SGIP1: variants seen among roughly 807,000 people sequenced by gnomAD.
The protein encoded by SGIP1 is SH3-containing GRB2-like protein 3-interacting protein 1.
Under a neutral mutation model 107.5 loss-of-function variants are expected in SGIP1, and 38 were observed. That is an observed-to-expected ratio of 0.35 (90% CI 0.27 to 0.46). SGIP1 has a LOEUF of 0.46. SGIP1 is among the 20% of genes least tolerant of loss of function. SGIP1 has a pLI of 1.00. For synonymous variants in SGIP1, 365 were observed against 366.1 expected (o/e 1.00, Z 0.03); for missense variants, 929 against 1,019.5 (o/e 0.91, Z 1.21).
At chr1:66,599,850 C>T (rs2065423901) in intron 1 of SGIP1, among the ~76,000 whole-genome samples, 1 of 152,164 alleles carries the variant, frequency 6.6e-6, no homozygotes, top group South Asian at 2.1e-4. Context: ...TCCTGCATTT[C>T]AGGGAATTGG....
At chr1:66,620,501 G>C (rs932427787) in intron 1 of SGIP1, among the ~76,000 whole-genome samples, 5 of 152,116 alleles carry the variant, frequency 3.3e-5, no homozygotes, top group Admixed American at 6.5e-5. Flanking sequence ...GAAGGTGAAG[G>C]GGAAGCAAGG....
At chr1:66,560,671 T>C (rs2058802099) in intron 1 of SGIP1, among the ~76,000 whole-genome samples, 1 of 152,090 alleles carries the variant, frequency 6.6e-6, no homozygotes, top group African/African-American at 2.4e-5. Flanking sequence ...TGTAACTTTT[T>C]CCTCATTTAC....
intron 20 of SGIP1, among the ~76,000 whole-genome samples, chr1:66,729,835 T>C (rs2093926567): frequency 6.6e-6 from 1 of 152,222 alleles, no homozygotes; most frequent in South Asian, 2.1e-4. Flanking sequence ...AGAGTCTTGC[T>C]CTGTTGCCTA....
chr1:66,536,102 A>C (rs1340234606), intron 1 of SGIP1, among the ~76,000 whole-genome samples: 1 of 152,252 alleles, frequency 6.6e-6, no homozygotes. Flanking sequence ...ATGTCAGTTC[A>C]AAGCTCTGTG....
At chr1:66,596,844 G>T (rs965647114) in intron 1 of SGIP1, among the ~76,000 whole-genome samples, 3 of 152,082 alleles carry the variant, frequency 2.0e-5, no homozygotes, top group Admixed American at 1.3e-4. Flanking sequence ...AGCATTTCAA[G>T]AATTGCAATT....
Position 66,671,929 on chromosome 1 carries a change from T to G in SGIP1, c.509-15T>G. 6.2e-7 allele frequency: 1 copy of G among 1,613,822 alleles called. No individual in the cohort carries two copies. Among genetic ancestry groups the G allele is most frequent in the Admixed American group, 1.7e-5 (1 of 59,998 alleles). On this transcript the variant is annotated splice_polypyrimidine_tract_variant and intron_variant, in intron 10 of 24. Coordinates refer to ENST00000371037, the MANE Select transcript of SGIP1 (RefSeq NM_032291.4). ...TAAAAATTTGTCTAAAAAGTTCCTT[T>G]GTCCTGTGCATCAGGTGAAGAAGTG...
intron 18 of SGIP1, among the ~76,000 whole-genome samples, chr1:66,698,911 AAAAC>A (rs888625687): frequency 7.9e-5 from 12 of 151,208 alleles, no homozygotes; most frequent in Non-Finnish European, 5.9e-5. Context: ...GTGGTGGTGA[AAAAC>A]AAACAAACAA....
At position 66,682,008 on chromosome 1, in the gene SGIP1, A is replaced by G. The variant is rs17129329; in HGVS notation, c.954A>G (p.Thr318=). 29,273 of 1,614,082 alleles carry G rather than the reference A, an allele frequency of 0.018. 1,496 individuals are homozygous for G. The highest frequency in any genetic ancestry group is 0.17 in the African/African-American group (12,936 of 74,988). The change falls in exon 15 of 25, where the codon ACA becomes ACG. Residue 318 remains threonine (T), a synonymous_variant. Transcript: ENST00000371037. The part of the protein sequence containing the change: ...AEEKWVHFSD[T]SPEHVTPELT... Reference sequence around the variant, plus strand: ...AAAAGTGGGTCCATTTTTCTGATACATCCCCGGAACATGTTACTCCGGAGT... The same window carrying G: ...AAAAGTGGGTCCATTTTTCTGATACGTCCCCGGAACATGTTACTCCGGAGT...
chr1:66,680,493 T>G (rs1447238467), intron 14 of SGIP1, among the ~76,000 whole-genome samples: 1 of 152,238 alleles, frequency 6.6e-6, no homozygotes, highest in Non-Finnish European at 1.5e-5. Context: ...CTTTGCTATT[T>G]ATGCAGCCTG....
At position 66,748,621 on chromosome 1, in the gene SGIP1, C is replaced by T. The variant is rs915972481; in HGVS notation, c.*5526C>T. On this transcript the variant is annotated 3_prime_UTR_variant, in exon 25 of 25. Coordinates refer to ENST00000371037, the MANE Select transcript of SGIP1 (RefSeq NM_032291.4). ...GCCTCCTTCTATCCCTAGAGTAATA[C>T]CTTGCCTACCTTAAATACATCTTTA... Among the ~76,000 whole-genome samples, 1 of 151,924 alleles carries T rather than the reference C, an allele frequency of 6.6e-6. No individual in the cohort carries two copies. Among genetic ancestry groups the T allele is most frequent in the Non-Finnish European group, 1.5e-5 (1 of 67,840 alleles).
chr1:66,673,384 A>G lies in SGIP1; in HGVS notation c.646+18A>G, dbSNP rs765797418. 3.2e-6 allele frequency: 5 copies of G among 1,573,312 alleles called. No homozygotes were observed. The African/African-American group carries it at 4.1e-5, about 13-fold the overall frequency. ...GACAGAAGGTAGGAAAAGAAACTCC[A>G]TATATTATAGATTTGTTTTTTCTTT... On this transcript the variant is annotated intron_variant, in intron 12 of 24. Coordinates refer to ENST00000371037, the MANE Select transcript of SGIP1 (RefSeq NM_032291.4).
At chr1:66,713,898 C>T (rs768804478) in intron 18 of SGIP1, among the ~76,000 whole-genome samples, 1 of 152,000 alleles carries the variant, frequency 6.6e-6, no homozygotes, top group Non-Finnish European at 1.5e-5. Context: ...GGCACACATG[C>T]GCAGATTATA....
intron 3 of SGIP1, 107 bp downstream of exon 3, chr1:66,633,201 T>C: frequency 1.3e-6 from 1 of 758,838 alleles, no homozygotes; most frequent in Non-Finnish European, 2.3e-6. Context: ...ATAGCTTGAA[T>C]GACTTTTTGG....
At chr1:66,665,305 T>C (rs2082303217) in intron 8 of SGIP1, among the ~76,000 whole-genome samples, 1 of 152,144 alleles carries the variant, frequency 6.6e-6, no homozygotes, top group African/African-American at 2.4e-5. Flanking sequence ...CATGAACCCA[T>C]CCTTTTTATG....
At chr1:66,650,384 A>T (rs2078505706) in intron 7 of SGIP1, among the ~76,000 whole-genome samples, 1 of 152,188 alleles carries the variant, frequency 6.6e-6, no homozygotes, top group South Asian at 2.1e-4. Flanking sequence ...CATTTCACAA[A>T]ATATATGTTG....
intron 12 of SGIP1, 61 bp from the exon 13 acceptor site, chr1:66,676,943 A>G: frequency 7.3e-7 from 1 of 1,378,288 alleles, no homozygotes; most frequent in Admixed American, 2.2e-5. Flanking sequence ...CGAAATTTTA[A>G]GTTCTAAAGT....
At chr1:66,611,374 G>A (rs1241408004) in intron 1 of SGIP1, among the ~76,000 whole-genome samples, 4 of 152,170 alleles carry the variant, frequency 2.6e-5, no homozygotes, top group Admixed American at 6.5e-5. Context: ...AAGGGATAAC[G>A]GGGTTTAAAA....
chr1:66,586,312 G>C (rs939556496), intron 1 of SGIP1, among the ~76,000 whole-genome samples: 2 of 152,044 alleles, frequency 1.3e-5, no homozygotes, highest in African/African-American at 4.8e-5. Flanking sequence ...CTTTTAGTTG[G>C]TATATTTAGG....
At position 66,679,691 on chromosome 1, in the gene SGIP1, G is replaced by C; in HGVS notation, c.753G>C (p.Leu251=). ...RPFPTGTPPP[L]PPKNVPATPP... ...ATCTTTTTGCAGCACCTCCACCACT[G>C]CCTCCAAAAAATGTACCAGCTACCC... The change falls in exon 14 of 25, where the codon CTG becomes CTC. Residue 251 remains leucine, a synonymous_variant. Transcript: ENST00000371037. The C allele has an allele frequency of 1.2e-6, 2 of 1,605,764 alleles. No individual in the cohort carries two copies. The highest frequency in any genetic ancestry group is 1.7e-6 in the Non-Finnish European group (2 of 1,177,646).
Sources: gnomAD v4.1 joint callset for allele counts (sites outside exome capture counted in the v4.1 genomes callset) on GRCh38, gnomAD v4.1.1 for gene constraint, MANE v1.5 for transcripts, NCBI Gene and HGNC (gene_info 2026-07-23, HGNC 2026-07-21) for gene names.